CNTN4: variants seen among roughly 807,000 people sequenced by gnomAD.
CNTN4 encodes the protein contactin-4.
Under a neutral mutation model 122.5 loss-of-function variants are expected in CNTN4, and 77 were observed. The observed-to-expected ratio is 0.63, with a 90% CI of 0.52 to 0.76. The LOEUF (loss-of-function observed/expected upper bound fraction) is 0.76, where lower values mean the gene tolerates loss of function less well. Ranked by LOEUF, CNTN4 falls within the 30% of genes least tolerant of loss-of-function variation. The probability of loss-of-function intolerance (pLI) is 0.00; values close to 1 mark genes in which losing one functional copy is unlikely to be tolerated. For missense variants in CNTN4, 1,256 were observed against 1,259.1 expected, an observed-to-expected ratio of 1.00 and a Z score of 0.04; for synonymous variants, 512 against 447.0, an observed-to-expected ratio of 1.15 and a Z score of -1.83.
chr3:2,228,456 A>G (rs1380974371), intron 2 of CNTN4, among the ~76,000 whole-genome samples: 1 of 152,138 alleles, frequency 6.6e-6, no homozygotes, highest in Non-Finnish European at 1.5e-5. Flanking sequence ...GAGAGTCTGT[A>G]TGGCCTGCAA....
intron 13 of CNTN4, among the ~76,000 whole-genome samples, chr3:2,942,640 G>T (rs1445843151): frequency 6.6e-6 from 1 of 152,178 alleles, no homozygotes; most frequent in Non-Finnish European, 1.5e-5. Context: ...TAAGGGTACA[G>T]TTGTAAATAC....
chr3:2,487,814 GTT>G (rs2076206005), intron 3 of CNTN4, among the ~76,000 whole-genome samples: 1 of 152,162 alleles, frequency 6.6e-6, no homozygotes, highest in African/African-American at 2.4e-5. Context: ...GGCACATAGA[GTT>G]GAAAGGAAAC....
At chr3:2,793,656 A>C (rs1385253090) in intron 6 of CNTN4, among the ~76,000 whole-genome samples, 1 of 152,182 alleles carries the variant, frequency 6.6e-6, no homozygotes, top group Admixed American at 6.5e-5. Context: ...GATTTGTTTC[A>C]ATAGCCACAT....
At chr3:2,778,258 T>A (rs1005463618) in intron 6 of CNTN4, among the ~76,000 whole-genome samples, 2 of 146,736 alleles carry the variant, frequency 1.4e-5, no homozygotes, top group Non-Finnish European at 3.0e-5. Flanking sequence ...ATAAATAAAA[T>A]AAAGAAATAA....
intron 6 of CNTN4, among the ~76,000 whole-genome samples, chr3:2,787,763 C>G (rs1345565123): frequency 3.3e-5 from 5 of 150,926 alleles, no homozygotes; most frequent in Non-Finnish European, 7.4e-5. Context: ...ACTTATCACA[C>G]AGTCCTGCCA....
chr3:2,664,554 A>C (rs2084056233), intron 4 of CNTN4, among the ~76,000 whole-genome samples: 2 of 152,182 alleles, frequency 1.3e-5, no homozygotes. Context: ...ATAAACATGT[A>C]ACCTCCCATT....
intron 7 of CNTN4, among the ~76,000 whole-genome samples, chr3:2,834,709 A>G (rs2093178592): frequency 6.6e-6 from 1 of 152,096 alleles, no homozygotes; most frequent in Non-Finnish European, 1.5e-5. Flanking sequence ...ATATAAAGAA[A>G]TGCAACTTAT....
intron 3 of CNTN4, among the ~76,000 whole-genome samples, chr3:2,400,449 A>ATATATATATATATATATATC (rs2046815485): frequency 4.0e-5 from 5 of 124,306 alleles, no homozygotes; most frequent in Non-Finnish European, 6.9e-5. Context: ...ATATATATAT[A>ATATATATATATATATATATC]TCTCTTTTTT....
chr3:2,683,947 C>A (rs1258229957), intron 4 of CNTN4, among the ~76,000 whole-genome samples: 1 of 152,066 alleles, frequency 6.6e-6, no homozygotes, highest in Non-Finnish European at 1.5e-5. Flanking sequence ...AAAGAAATTC[C>A]CCATGATGAG....
chr3:2,380,982 C>T (rs1575505258), intron 3 of CNTN4, among the ~76,000 whole-genome samples: 2 of 151,328 alleles, frequency 1.3e-5, no homozygotes, highest in Admixed American at 6.6e-5. Flanking sequence ...AAACCTTTCC[C>T]TTCTTTTGTT....
intron 3 of CNTN4, among the ~76,000 whole-genome samples, chr3:2,364,037 C>G (rs774220380): frequency 1.3e-5 from 2 of 152,008 alleles, no homozygotes; most frequent in Non-Finnish European, 2.9e-5. Context: ...CATCTGAGAG[C>G]TAGAGCTTTG....
chr3:2,234,600 G>A (rs747260556), intron 2 of CNTN4, among the ~76,000 whole-genome samples: 3 of 152,014 alleles, frequency 2.0e-5, no homozygotes, highest in Non-Finnish European at 2.9e-5. Context: ...GCAGGATTGG[G>A]TACAATACCT....
At chr3:2,965,520 A>C (rs1472420668) in intron 13 of CNTN4, among the ~76,000 whole-genome samples, 1 of 152,218 alleles carries the variant, frequency 6.6e-6, no homozygotes, top group African/African-American at 2.4e-5. Flanking sequence ...TTAAGTAGCC[A>C]CATTTGCTTA....
chr3:2,169,419 T>G (rs1162363469), intron 2 of CNTN4, among the ~76,000 whole-genome samples: 2 of 151,984 alleles, frequency 1.3e-5, no homozygotes, highest in African/African-American at 2.4e-5. Context: ...TAAACTTTTT[T>G]TTTTTGAGAC....
chr3:3,037,212 C>A lies in CNTN4; in HGVS notation c.1976C>A (p.Ala659Glu). 1 of 1,614,196 alleles carries A rather than the reference C, an allele frequency of 6.2e-7. No homozygotes were observed. The highest frequency in any genetic ancestry group is 1.6e-4 in the Middle Eastern group (1 of 6,062). The change falls in exon 18 of 25, where the codon GCG becomes GAG. Residue 659 changes from alanine to glutamate, a missense_variant. By Grantham distance (107) the Ala-to-Glu change is moderately radical. Transcript: ENST00000418658. ...PELIDGKTFT[A>E]TVVGLNPWVE... Reference sequence around the variant, plus strand: ...CTCATTGATGGGAAGACATTCACAGCGACCGTGGTGGGTTTGAACCCTTGG... The same window carrying A: ...CTCATTGATGGGAAGACATTCACAGAGACCGTGGTGGGTTTGAACCCTTGG...
chr3:3,015,455 G>A (rs1301100956), intron 14 of CNTN4, among the ~76,000 whole-genome samples: 3 of 152,148 alleles, frequency 2.0e-5, no homozygotes, highest in African/African-American at 7.2e-5. Context: ...TGTCTACCAA[G>A]ATATTAATAC....
Position 2,950,880 on chromosome 3 carries a change from A to G in CNTN4, c.1358+25101A>G, listed in dbSNP as rs117052916. Among the ~76,000 whole-genome samples, 174 of 152,338 alleles carry G rather than the reference A, an allele frequency of 1.1e-3. 4 individuals are homozygous for G. The East Asian group carries it at 0.029, about 25-fold the overall frequency. ...TGTCCTATACTAGACCTTACATTTCATGACAACACGAGTTGCCTATCTTGA... is the reference window on the plus strand; with the variant it reads ...TGTCCTATACTAGACCTTACATTTCGTGACAACACGAGTTGCCTATCTTGA... On this transcript the variant is annotated intron_variant, in intron 13 of 24. Transcript: ENST00000418658.
intron 8 of CNTN4, among the ~76,000 whole-genome samples, chr3:2,878,810 A>G (rs921335351): frequency 6.6e-6 from 1 of 152,244 alleles, no homozygotes; most frequent in African/African-American, 2.4e-5. Context: ...AATGGAAGGC[A>G]GACACTAAAC....
chr3:2,659,765 T>C lies in CNTN4; in HGVS notation c.56-76450T>C, dbSNP rs996172955. On this transcript the variant is annotated intron_variant, in intron 4 of 24. Coordinates refer to ENST00000418658, the MANE Select transcript of CNTN4 (RefSeq NM_175607.3). ...GTCATAATATCTGGTATATTTGATA[T>C]GGACAAATATTTGTTTGATTGTTTT... 4.6e-5 allele frequency among the ~76,000 whole-genome samples: 7 copies of C among 152,246 alleles called. 1 individual carries two copies. Among genetic ancestry groups the C allele is most frequent in the African/African-American group, 1.7e-4 (7 of 41,464 alleles).
Sources: gnomAD v4.1 joint callset for allele counts (sites outside exome capture counted in the v4.1 genomes callset) on GRCh38, gnomAD v4.1.1 for gene constraint, MANE v1.5 for transcripts, NCBI Gene and HGNC (gene_info 2026-07-23, HGNC 2026-07-21) for gene names.